Variants in COLQ observed in about 807,000 individuals in gnomAD.
COLQ encodes the protein collagen like tail subunit of asymmetric acetylcholinesterase.
A neutral mutation model predicts 69.0 loss-of-function variants in COLQ; 48 were observed. The ratio of observed to expected loss-of-function variants is 0.70; its 90% CI spans 0.55 to 0.88. The LOEUF (loss-of-function observed/expected upper bound fraction) is 0.88, where lower values mean the gene tolerates loss of function less well. Ranked by LOEUF, COLQ falls within the 40% of genes least tolerant of loss-of-function variation. The pLI is 0.00. For synonymous variants in COLQ, 217 were observed against 211.2 expected (o/e 1.03, Z -0.24); for missense variants, 618 against 594.6 (o/e 1.04, Z -0.41).
intron 1 of COLQ, 149 bp from the exon 2 acceptor site, chr3:15,489,786 A>G: frequency 1.4e-6 from 1 of 694,276 alleles, no homozygotes; most frequent in African/African-American, 1.8e-5. Context: ...CCTGTTGGCT[A>G]CTTGACATAG....
At position 15,456,891 on chromosome 3, in the gene COLQ, C is replaced by T. The variant is rs145623431; in HGVS notation, c.955-312G>A. Among the ~76,000 whole-genome samples, 82 of 151,830 alleles carry T rather than the reference C, an allele frequency of 5.4e-4. 1 individual carries two copies. The East Asian group carries it at 0.012, about 23-fold the overall frequency. On this transcript the variant is annotated intron_variant, in intron 13 of 16. Transcript: ENST00000383788. ...AGGCTGGAGTGAAGTAGCGTGATCT[C>T]GGCTCATTGCAACCTCTGCCTCCCG...
At chr3:15,515,476 T>C (rs2063047617) in intron 1 of COLQ, among the ~76,000 whole-genome samples, 1 of 152,132 alleles carries the variant, frequency 6.6e-6, no homozygotes, top group South Asian at 2.1e-4. Flanking sequence ...TGCCAGTCCA[T>C]AGGAGAAATA....
Position 15,455,332 on chromosome 3 carries a change from C to T in COLQ, c.1195+567G>A, listed in dbSNP as rs374332980. ...CTAAAGCTCCTGCTTTCCATCACAC[C>T]TCCTGGTTTTGTTACTTGATTAAAA... On this transcript the variant is annotated intron_variant, in intron 15 of 16. Transcript: ENST00000383788. Among the ~76,000 whole-genome samples the T allele has an allele frequency of 4.2e-4, 64 of 151,878 alleles. 2 individuals are homozygous for T. The East Asian group carries it at 9.3e-3, about 22-fold the overall frequency.
intron 4 of COLQ, 30 bp from the exon 5 acceptor site, chr3:15,479,033 G>T (rs772080406): frequency 4.4e-5 from 71 of 1,613,970 alleles, no homozygotes; most frequent in Non-Finnish European, 5.8e-5. Flanking sequence ...GTAAGGAGAG[G>T]CTGCTTTGGA....
chr3:15,481,077 T>G (rs891892946), intron 3 of COLQ, among the ~76,000 whole-genome samples: 8 of 152,150 alleles, frequency 5.3e-5, no homozygotes, highest in Non-Finnish European at 1.0e-4. Flanking sequence ...TTTTGGATAT[T>G]AGCCCTTTGT....
chr3:15,477,132 T>G lies in COLQ; in HGVS notation c.459A>C (p.Gly153=), dbSNP rs777953780. 1 of 1,601,190 alleles carries G rather than the reference T, an allele frequency of 6.2e-7. No homozygotes were observed. Among genetic ancestry groups the G allele is most frequent in the South Asian group, 1.1e-5 (1 of 88,166 alleles). The change falls in exon 6 of 17, where the codon GGA becomes GGC. Residue 153 remains glycine (G), a synonymous_variant. Transcript: ENST00000383788. ...PGPIGWPGPE[G]PRGEKGDLGM... is the part of the protein sequence containing the mutation. ...GAGAGCATGCCACACTTACCCTGGG[T>G]CCTTCAGGGCCTGGCCAACCGATGG...
chr3:15,451,080 G>A lies in COLQ; in HGVS notation c.*564C>T, dbSNP rs1176165055. The A allele has an allele frequency of 6.3e-6, 1 of 159,474 alleles. No individual in the cohort carries two copies. Among genetic ancestry groups the A allele is most frequent in the Non-Finnish European group, 1.4e-5 (1 of 71,940 alleles). The allele number at this position is 159,474 out of a possible 1,614,324, so 9.9% of individuals were successfully genotyped here. ...CATCCACGTCAGGCTGGGCTGGGCT[G>A]TGGCCAGTCGAGGGGTCCTTTGGCA... is the stretch of plus-strand genomic sequence containing the variant. On this transcript the variant is annotated 3_prime_UTR_variant, in exon 17 of 17. Transcript: ENST00000383788.
At chr3:15,500,283 A>G (rs2062813234) in intron 1 of COLQ, among the ~76,000 whole-genome samples, 1 of 152,182 alleles carries the variant, frequency 6.6e-6, no homozygotes, top group Admixed American at 6.5e-5. Context: ...AAGGCCAGGG[A>G]GTCCTCAGTC....
intron 11 of COLQ, among the ~76,000 whole-genome samples, chr3:15,468,303 T>A (rs2125106263): frequency 6.6e-6 from 1 of 151,258 alleles, no homozygotes; most frequent in Non-Finnish European, 1.5e-5. Flanking sequence ...TCAAGGAAAT[T>A]GTTTCTCAGT....
chr3:15,452,096 T>A (rs1216978062), intron 16 of COLQ, among the ~76,000 whole-genome samples: 2 of 151,518 alleles, frequency 1.3e-5, no homozygotes, highest in African/African-American at 4.9e-5. Flanking sequence ...AGACAGAGTT[T>A]CGCTCTGTCC....
At chr3:15,477,522 T>A (rs369961900) in intron 5 of COLQ, 2 of 356,654 alleles carry the variant, frequency 5.6e-6, no homozygotes, top group Admixed American at 4.0e-5. Context: ...GGATGTGCTA[T>A]GGAATGAGAT....
At chr3:15,492,056 C>T (rs1034542116) in intron 1 of COLQ, among the ~76,000 whole-genome samples, 1 of 97,736 alleles carries the variant, frequency 1.0e-5, no homozygotes, top group Non-Finnish European at 2.1e-5. Flanking sequence ...GACTCCATCT[C>T]AAAAAAAAAA....
At chr3:15,469,333 C>T (rs1177272775) in intron 11 of COLQ, among the ~76,000 whole-genome samples, 1 of 152,202 alleles carries the variant, frequency 6.6e-6, no homozygotes, top group Non-Finnish European at 1.5e-5. Flanking sequence ...TCTGGAACCC[C>T]AAGCTTAAAA....
intron 11 of COLQ, 110 bp downstream of exon 11, chr3:15,470,423 TGGA>T (rs2062261461): frequency 1.1e-6 from 1 of 943,470 alleles, no homozygotes; most frequent in African/African-American, 1.6e-5. Flanking sequence ...CAGAGGATGC[TGGA>T]GTCAAGGTCT....
chr3:15,521,415 C>T, intron 1 of COLQ, 105 bp downstream of exon 1: 1 of 1,477,294 alleles, frequency 6.8e-7, no homozygotes. Flanking sequence ...CTCCCTCCAC[C>T]AACAGTTGAA....
At chr3:15,479,446 C>T (rs1400045111) in intron 3 of COLQ, 64 bp from the exon 4 acceptor site, 2 of 1,500,872 alleles carry the variant, frequency 1.3e-6, no homozygotes, top group African/African-American at 1.4e-5. Flanking sequence ...GGGTGTGAGG[C>T]TCTTGGTGCA....
chr3:15,489,390 T>C (rs2062626016), intron 2 of COLQ, 135 bp downstream of exon 2: 2 of 792,790 alleles, frequency 2.5e-6, no homozygotes, highest in South Asian at 2.9e-5. Context: ...AACTTCTGGG[T>C]GACAGTGGAG....
chr3:15,512,485 AG>A (rs1340240214), intron 1 of COLQ, among the ~76,000 whole-genome samples: 2 of 152,142 alleles, frequency 1.3e-5, no homozygotes, highest in African/African-American at 2.4e-5. Context: ...CACCACGAGA[AG>A]CCTCCTTCTC....
chr3:15,471,908 G>C (rs753476235), intron 10 of COLQ, among the ~76,000 whole-genome samples: 1 of 152,126 alleles, frequency 6.6e-6, no homozygotes, highest in Non-Finnish European at 1.5e-5. Flanking sequence ...TTTTTCCCTG[G>C]CTGTTTTAGA....
Sources: allele counts gnomAD v4.1 joint callset (sites outside exome capture counted in the v4.1 genomes callset), GRCh38; gene constraint gnomAD v4.1.1; transcripts MANE v1.5; gene names NCBI Gene and HGNC (gene_info 2026-07-23, HGNC 2026-07-21).